Variants in VWF observed in about 807,000 individuals in gnomAD.
VWF encodes the protein Factor VIII related antigen.
A neutral mutation model predicts 308.6 loss-of-function variants in VWF; 176 were observed. The observed-to-expected ratio is 0.57, with a 90% CI of 0.50 to 0.65. The LOEUF is 0.65. Among genes scored for constraint, VWF ranks in the 30% least tolerant of loss-of-function variants. VWF has a pLI of 0.00. For missense variants in VWF, 3,146 were observed against 3,648.2 expected, an observed-to-expected ratio of 0.86 and a Z score of 3.55; for synonymous variants, 1,385 against 1,443.4, an observed-to-expected ratio of 0.96 and a Z score of 0.92.
Position 6,044,293 on chromosome 12 carries a change from T to G in VWF, c.2440A>C (p.Met814Leu), listed in dbSNP as rs753783777. Reference protein sequence around the residue: ...CVSGCLCPPGMVRHENRCVAL... With the variant: ...CVSGCLCPPGLVRHENRCVAL... Reference sequence around the variant, plus strand: ...CAGCTCTGTGCCTGGTGACTCACCATGCCCGGGGGGCAGAGGCAGCCAGAG... The same window carrying G: ...CAGCTCTGTGCCTGGTGACTCACCAGGCCCGGGGGGCAGAGGCAGCCAGAG... The change falls in exon 18 of 52, where the codon ATG becomes CTG. Residue 814 changes from methionine to leucine, a missense_variant and splice_region_variant. Physicochemically the swap from Met to Leu is conservative, Grantham distance 15 (BLOSUM62 2). Transcript: ENST00000261405. 2 of 1,613,984 alleles carry G rather than the reference T, an allele frequency of 1.2e-6. No individual in the cohort carries two copies. Among genetic ancestry groups the G allele is most frequent in the African/African-American group, 1.3e-5 (1 of 74,946 alleles).
chr12:6,064,487 C>T (rs1944690428), intron 11 of VWF, 103 bp from the exon 12 acceptor site: 5 of 1,521,022 alleles, frequency 3.3e-6, no homozygotes, highest in Non-Finnish European at 4.4e-6. Flanking sequence ...CCGAGAGCCT[C>T]TGGCCTTCTC....
chr12:6,031,336 G>T, intron 21 of VWF, 108 bp downstream of exon 21: 2 of 1,584,766 alleles, frequency 1.3e-6, no homozygotes, highest in South Asian at 1.1e-5. Context: ...TTTAATGGCT[G>T]TGCGTTATTC....
At chr12:5,971,089 GC>G (rs1267006403) in intron 44 of VWF, among the ~76,000 whole-genome samples, 1 of 152,216 alleles carries the variant, frequency 6.6e-6, no homozygotes, top group Admixed American at 6.5e-5. Context: ...GCAATGGGGG[GC>G]TGGCAAGATG....
Position 6,019,820 on chromosome 12 carries a change from A to G in VWF, c.3675-77T>C. The stretch of plus-strand genomic sequence containing the variant: ...CTTCTGAGCCCTACAGTGTACAATG[A>G]CTTCCATATTCCCACAGAATCTCCT... On this transcript the variant is annotated intron_variant, in intron 27 of 51. Coordinates refer to ENST00000261405, the MANE Select transcript of VWF (RefSeq NM_000552.5). The surrounding 1 kb of genome is among the most constrained non-coding windows in gnomAD (Gnocchi z 5.8). 1 of 1,447,378 alleles carries G rather than the reference A, an allele frequency of 6.9e-7. No individual in the cohort carries two copies. The highest frequency in any genetic ancestry group is 9.4e-7 in the Non-Finnish European group (1 of 1,063,606). The allele number at this position is 1,447,378 out of a possible 1,614,324, so 89.7% of individuals were successfully genotyped here.
chr12:6,033,903 A>G (rs1944301923), intron 20 of VWF, among the ~76,000 whole-genome samples: 2 of 152,242 alleles, frequency 1.3e-5, no homozygotes, highest in Non-Finnish European at 1.5e-5. Context: ...CAGAGGGACC[A>G]TATTTGTTCA....
rs1237947342 is a variant in VWF, at chr12:6,019,933, C to G, written c.3675-190G>C. On this transcript the variant is annotated intron_variant, in intron 27 of 51. Coordinates refer to ENST00000261405, the MANE Select transcript of VWF (RefSeq NM_000552.5). The surrounding 1 kb of genome is among the most constrained non-coding windows in gnomAD (Gnocchi z 5.8). The stretch of plus-strand genomic sequence containing the variant: ...AACATCTGTCCCCAAATAGCATGCC[C>G]CCCACCTTCAAAACACACACATAGC... 6.6e-6 allele frequency among the ~76,000 whole-genome samples: 1 copy of G among 152,170 alleles called. No homozygotes were observed. Among genetic ancestry groups the G allele is most frequent in the Non-Finnish European group, 1.5e-5 (1 of 68,026 alleles).
intron 15 of VWF, among the ~76,000 whole-genome samples, chr12:6,056,285 G>A (rs1432009578): frequency 5.2e-5 from 3 of 58,180 alleles, no homozygotes; most frequent in Non-Finnish European, 1.1e-4. Context: ...ACAAAAAAGT[G>A]AGCACAATAG....
chr12:6,006,511 C>T (rs542331074), intron 34 of VWF, among the ~76,000 whole-genome samples: 1 of 152,306 alleles, frequency 6.6e-6, no homozygotes, highest in African/African-American at 2.4e-5. Flanking sequence ...GGTGCGGTGG[C>T]TCATGTCTGT....
At position 5,976,106 on chromosome 12, in the gene VWF, C is replaced by T; in HGVS notation, c.7437+5G>A. 1.9e-6 allele frequency: 3 copies of T among 1,613,728 alleles called. No individual in the cohort carries two copies. The highest frequency in any genetic ancestry group is 2.5e-6 in the Non-Finnish European group (3 of 1,180,034). ...GCAGGCATGCCCAGCCCCTGCCCCA[C>T]TCACCGACCGACAGCTGTCCTCACA... On this transcript the variant is annotated splice_donor_5th_base_variant and intron_variant, in intron 43 of 51. Coordinates refer to ENST00000261405, the MANE Select transcript of VWF (RefSeq NM_000552.5).
At chr12:6,121,074 C>A in intron 3 of VWF, 100 bp downstream of exon 3, 5 of 1,525,550 alleles carry the variant, frequency 3.3e-6, no homozygotes, top group Non-Finnish European at 4.5e-6. Flanking sequence ...GTGACCTTTC[C>A]GCTCAGACAC....
At chr12:6,083,482 T>C (rs1392768441) in intron 6 of VWF, among the ~76,000 whole-genome samples, 1 of 152,194 alleles carries the variant, frequency 6.6e-6, no homozygotes, top group African/African-American at 2.4e-5. Context: ...GGAGGATCAC[T>C]TGAGCCTGGG....
At chr12:6,103,373 T>TGTGTGTGTACAC (rs1945191125) in intron 5 of VWF, among the ~76,000 whole-genome samples, 1 of 141,866 alleles carries the variant, frequency 7.0e-6, no homozygotes, top group African/African-American at 2.8e-5. Context: ...TATATGTGTG[T>TGTGTGTGTACAC]GTGTGTATAC....
chr12:6,100,479 C>T (rs1945150555), intron 5 of VWF, among the ~76,000 whole-genome samples: 1 of 151,348 alleles, frequency 6.6e-6, no homozygotes, highest in Non-Finnish European at 1.5e-5. Flanking sequence ...ATAGCAAAGA[C>T]TTGGAACCAA....
Position 6,016,237 on chromosome 12 carries a change from G to C in VWF, c.5312-5C>G. 1 of 1,614,182 alleles carries C rather than the reference G, an allele frequency of 6.2e-7. No homozygotes were observed. The highest frequency in any genetic ancestry group is 1.1e-5 in the South Asian group (1 of 91,080). ...CAGCAAAGCCCAAGGCATCCCCTGA[G>C]GATGGAGAACAGATCACGCCAAGTC... On this transcript the variant is annotated splice_region_variant and splice_polypyrimidine_tract_variant and intron_variant, in intron 30 of 51. Transcript: ENST00000261405.
intron 6 of VWF, among the ~76,000 whole-genome samples, chr12:6,079,142 C>T (rs544657141): frequency 6.6e-6 from 1 of 152,322 alleles, no homozygotes; most frequent in African/African-American, 2.4e-5. Flanking sequence ...TGAACTTGGT[C>T]CACCTGAGTG....
intron 6 of VWF, among the ~76,000 whole-genome samples, chr12:6,077,484 G>T (rs900468590): frequency 6.6e-6 from 1 of 152,192 alleles, no homozygotes; most frequent in African/African-American, 2.4e-5. Flanking sequence ...CCCTTCTGCC[G>T]GGCGGGCACC....
At chr12:5,987,323 T>G (rs1469240132) in intron 38 of VWF, among the ~76,000 whole-genome samples, 1 of 152,252 alleles carries the variant, frequency 6.6e-6, no homozygotes, top group Non-Finnish European at 1.5e-5. Context: ...TTTACATTTA[T>G]GTACTTTATT....
intron 22 of VWF, among the ~76,000 whole-genome samples, chr12:6,028,022 C>T (rs1944215245): frequency 1.3e-5 from 2 of 152,162 alleles, no homozygotes; most frequent in African/African-American, 4.8e-5. Flanking sequence ...TGGGCTGCCA[C>T]AGAGAAGTGA....
At chr12:5,968,004 G>T in intron 46 of VWF, 123 bp downstream of exon 46, 2 of 1,370,666 alleles carry the variant, frequency 1.5e-6, no homozygotes, top group Non-Finnish European at 2.0e-6. Flanking sequence ...GCAGTGGAAA[G>T]CTGGGGTTGG....
Sources: allele counts gnomAD v4.1 joint callset (sites outside exome capture counted in the v4.1 genomes callset), GRCh38; gene constraint gnomAD v4.1.1; non-coding constraint Gnocchi (gnomAD v3.1); transcripts MANE v1.5; gene names NCBI Gene and HGNC (gene_info 2026-07-23, HGNC 2026-07-21).